Variants in NAV1 observed in about 807,000 individuals in gnomAD.
The protein encoded by NAV1 is neuron navigator 1, also known as pore membrane and/or filament interacting like protein 3.
NAV1 carries 18 observed loss-of-function variants against 175.2 expected under a neutral mutation model. That is an observed-to-expected ratio of 0.10 (90% CI 0.07 to 0.15). The LOEUF (loss-of-function observed/expected upper bound fraction) is 0.15. NAV1 is among the 10% of genes least tolerant of loss of function. The pLI, the probability that NAV1 is intolerant of heterozygous loss-of-function variation, is 1.00. For missense variants in NAV1, 1,731 were observed against 2,436.6 expected (o/e 0.71, Z 6.10); for synonymous variants, 897 against 978.7 (o/e 0.92, Z 1.56).
At chr1:201,681,184 T>C (rs561597875) in intron 1 of NAV1, among the ~76,000 whole-genome samples, 4 of 152,152 alleles carry the variant, frequency 2.6e-5, no homozygotes, top group Non-Finnish European at 5.9e-5. Flanking sequence ...GCATCCAGCA[T>C]TTCAGGCCTC....
At chr1:201,563,834 C>G (rs998761479) in intron 1 of NAV1, among the ~76,000 whole-genome samples, 1 of 151,986 alleles carries the variant, frequency 6.6e-6, no homozygotes, top group Non-Finnish European at 1.5e-5. Flanking sequence ...GTGGCTCACA[C>G]TTGTAATCCC....
chr1:201,548,665 G>A (rs1665738386), intron 1 of NAV1, among the ~76,000 whole-genome samples: 1 of 152,208 alleles, frequency 6.6e-6, no homozygotes, highest in African/African-American at 2.4e-5. Flanking sequence ...CTCTTCTACT[G>A]AGGGGATTCA....
Position 201,555,430 on chromosome 1 carries a change from C to T in NAV1, c.-144+16088C>T, listed in dbSNP as rs144153150. 5.5e-3 allele frequency among the ~76,000 whole-genome samples: 840 copies of T among 152,252 alleles called. 7 individuals carry two copies. Among genetic ancestry groups the T allele is most frequent in the African/African-American group, 0.019 (792 of 41,544 alleles). On this transcript the variant is annotated intron_variant, in intron 1 of 33. Coordinates refer to the NAV1 transcript ENST00000685211. ...TAATGTCTTCCCTAGATGTAAATCC[C>T]ACAACTCCTTGACTCTGAAGCTCTG... is the stretch of plus-strand genomic sequence containing the variant.
intron 1 of NAV1, among the ~76,000 whole-genome samples, chr1:201,692,344 G>C (rs1306727331): frequency 2.0e-5 from 3 of 152,192 alleles, no homozygotes; most frequent in Non-Finnish European, 2.9e-5. Context: ...CTGAAAGTAG[G>C]GTGCTCAGGT....
chr1:201,738,383 G>T (rs1316978751), intron 3 of NAV1, among the ~76,000 whole-genome samples: 1 of 152,060 alleles, frequency 6.6e-6, no homozygotes, highest in South Asian at 2.1e-4. Flanking sequence ...AGAAACAGAG[G>T]TCCCTCTGCT....
At chr1:201,592,841 G>C (rs1393182258) in intron 2 of NAV1, among the ~76,000 whole-genome samples, 1 of 152,126 alleles carries the variant, frequency 6.6e-6, no homozygotes, top group Non-Finnish European at 1.5e-5. Context: ...CCAGCTCAGA[G>C]CCCTACCCGT....
At chr1:201,608,523 A>G (rs1667755739) in intron 2 of NAV1, among the ~76,000 whole-genome samples, 2 of 152,234 alleles carry the variant, frequency 1.3e-5, no homozygotes. Context: ...GGCACCGAGT[A>G]CAGGCAGAAC....
chr1:201,619,233 C>T (rs370428019), upstream of NAV1, among the ~76,000 whole-genome samples: 5 of 152,374 alleles, frequency 3.3e-5, no homozygotes, highest in East Asian at 1.9e-4. Context: ...GAGACGCAGC[C>T]TCCTCAGCCT....
chr1:201,569,047 G>A (rs1005995608), intron 1 of NAV1, among the ~76,000 whole-genome samples: 2 of 152,148 alleles, frequency 1.3e-5, no homozygotes, highest in Admixed American at 1.3e-4. Context: ...GGACACCCAG[G>A]GAGAAGCGTG....
At chr1:201,800,084 C>T (rs1176525418) in intron 15 of NAV1, among the ~76,000 whole-genome samples, 4 of 151,956 alleles carry the variant, frequency 2.6e-5, no homozygotes, top group Admixed American at 6.6e-5. Context: ...ACTGCAGCCT[C>T]GATCCCTGGG....
chr1:201,628,381 C>T (rs1353288202), intron 1 of NAV1, among the ~76,000 whole-genome samples: 3 of 152,104 alleles, frequency 2.0e-5, no homozygotes, highest in Non-Finnish European at 4.4e-5. Flanking sequence ...AGATCCCAGC[C>T]TTGAGGGGCA....
In NAV1 at chr1:201,810,816, C is replaced by A; in HGVS notation, c.4797+58C>A. On this transcript the variant is annotated intron_variant, in intron 24 of 29. Coordinates refer to ENST00000367296, the Ensembl canonical transcript of NAV1. This position sits in a 1 kb window ranked among gnomAD's most constrained non-coding sequence, Gnocchi z 6.0. ...GTTCATGCCTCAGCCTTCCCTAAGA[C>A]CCTTCCTCGGCCCCTTCCTGCCTCA... The A allele has an allele frequency of 7.4e-7, 1 of 1,350,548 alleles. No homozygotes were observed. Among genetic ancestry groups the A allele is most frequent in the Non-Finnish European group, 1.0e-6 (1 of 958,242 alleles). The allele number at this position is 1,350,548 out of a possible 1,614,324, so 83.7% of individuals were successfully genotyped here.
rs146115063 is a variant in NAV1 at position 201,664,070 on chromosome 1, C to T, written c.757+14645C>T. 3.3e-3 allele frequency among the ~76,000 whole-genome samples: 503 copies of T among 152,258 alleles called. 2 individuals are homozygous for T. Among genetic ancestry groups the T allele is most frequent in the African/African-American group, 0.011 (453 of 41,536 alleles). On this transcript the variant is annotated intron_variant, in intron 1 of 29. Transcript: ENST00000367296. Reference sequence around the variant, plus strand: ...CTATTGGGTTCTGGGAGGGAAGATCCGGAGTATAGTGGCCAAATGCACAAG... The same window carrying T: ...CTATTGGGTTCTGGGAGGGAAGATCTGGAGTATAGTGGCCAAATGCACAAG...
At chr1:201,784,710 T>C (rs533107270) in intron 7 of NAV1, among the ~76,000 whole-genome samples, 3 of 151,978 alleles carry the variant, frequency 2.0e-5, no homozygotes, top group African/African-American at 7.2e-5. Flanking sequence ...TGCCATAATA[T>C]GATCTTTTAA....
In NAV1 at chr1:201,788,716, A is replaced by T. The variant is rs1464748456; in HGVS notation, c.3166+78A>T. The T allele has an allele frequency of 3.6e-6, 5 of 1,397,254 alleles. No homozygotes were observed. Among genetic ancestry groups the T allele is most frequent in the Non-Finnish European group, 4.9e-6 (5 of 1,021,720 alleles). The allele number at this position is 1,397,254 out of a possible 1,614,324, so 86.6% of individuals were successfully genotyped here. On this transcript the variant is annotated intron_variant, in intron 10 of 29. Coordinates refer to ENST00000367296, the Ensembl canonical transcript of NAV1. The surrounding 1 kb of genome is among the most constrained non-coding windows in gnomAD (Gnocchi z 5.7). ...CTCACCCACCACCTCCACTCCCACC[A>T]CTCCTACCACCACACACATATATGA...
chr1:201,699,570 C>T (rs997088259), intron 1 of NAV1, among the ~76,000 whole-genome samples: 21 of 152,180 alleles, frequency 1.4e-4, no homozygotes, highest in Admixed American at 3.9e-4. Flanking sequence ...TGACTTTCTT[C>T]GCAGAATTGG....
chr1:201,795,842 G>C (rs1048162833), intron 15 of NAV1: 3 of 151,226 alleles, frequency 2.0e-5, no homozygotes, highest in African/African-American at 7.3e-5. Context: ...CCGCCTCCCA[G>C]GTTCAAGCAA....
At chr1:201,721,848 C>T (rs1672397542) in intron 3 of NAV1, among the ~76,000 whole-genome samples, 1 of 152,210 alleles carries the variant, frequency 6.6e-6, no homozygotes, top group Non-Finnish European at 1.5e-5. Flanking sequence ...TTTCTCCACA[C>T]TCTGTTTATC....
rs1432896039 is a variant in NAV1 at position 201,808,297 on chromosome 1, C to T, written c.3846-121C>T. The T allele has an allele frequency of 4.2e-5, 59 of 1,393,124 alleles. No individual in the cohort carries two copies. The highest frequency in any genetic ancestry group is 5.5e-5 in the Non-Finnish European group (56 of 1,023,306). 86.3% of individuals were successfully genotyped at this position (1,393,124 alleles called of 1,614,324 possible). On this transcript the variant is annotated intron_variant, in intron 18 of 29. Transcript: ENST00000367296. This position sits in a 1 kb window ranked among gnomAD's most constrained non-coding sequence, Gnocchi z 5.5. ...TGAGACCAACAGATGGACCTTTCTT[C>T]TCATGCTGATTGAATATCAATGGGC... is the stretch of plus-strand genomic sequence containing the variant.
Sources: gnomAD v4.1 joint callset for allele counts (sites outside exome capture counted in the v4.1 genomes callset) on GRCh38, gnomAD v4.1.1 for gene constraint, Gnocchi (gnomAD v3.1) non-coding constraint, MANE v1.5 for transcripts, NCBI Gene and HGNC (gene_info 2026-07-23, HGNC 2026-07-21) for gene names.